The following VPS53 variants were observed in gnomAD, a reference collection of about 807,000 sequenced individuals.
The protein encoded by VPS53 is VPS53 subunit of GARP complex.
In VPS53, 70 loss-of-function variants were observed where a neutral mutation model predicts 107.0. That is an observed-to-expected ratio of 0.65 (90% CI 0.54 to 0.80). The LOEUF is 0.80. VPS53 is among the 30% of genes least tolerant of loss of function. The probability of loss-of-function intolerance (pLI) is 0.00; values close to 1 mark genes in which losing one functional copy is unlikely to be tolerated. For synonymous variants in VPS53, 409 were observed against 393.3 expected (o/e 1.04, Z -0.47); for missense variants, 917 against 1,049.4 (o/e 0.87, Z 1.74).
intron 4 of VPS53, among the ~76,000 whole-genome samples, chr17:662,769 G>C (rs1971500425): frequency 7.7e-6 from 1 of 129,232 alleles, no homozygotes; most frequent in African/African-American, 2.9e-5. Flanking sequence ...AAGAAAGAAA[G>C]AAAGAGAAAG....
intron 13 of VPS53, among the ~76,000 whole-genome samples, chr17:565,874 A>G (rs567740025): frequency 1.4e-3 from 218 of 152,268 alleles, no homozygotes; most frequent in Admixed American, 2.2e-3. Flanking sequence ...CACTTTATTT[A>G]ACACTTTATT....
At chr17:533,757 G>A (rs1431765818) in intron 18 of VPS53, among the ~76,000 whole-genome samples, 2 of 152,156 alleles carry the variant, frequency 1.3e-5, no homozygotes, top group South Asian at 2.1e-4. Context: ...CGAAGATGGG[G>A]GCCATGTTTA....
intron 1 of VPS53, 35 bp from the exon 2 acceptor site, chr17:710,648 G>A: frequency 7.0e-7 from 1 of 1,424,826 alleles, no homozygotes; most frequent in Admixed American, 1.8e-5. Context: ...ATAAAAACAT[G>A]TAGTATACCG....
intron 17 of VPS53, among the ~76,000 whole-genome samples, chr17:548,760 C>A (rs1911532399): frequency 1.3e-5 from 2 of 152,230 alleles, no homozygotes; most frequent in Non-Finnish European, 2.9e-5. Flanking sequence ...GCCTGAGGAG[C>A]CCCTGGGATG....
rs181656181 is a variant in VPS53, at chr17:564,448, G to A, written c.1314-1703C>T. On this transcript the variant is annotated intron_variant, in intron 13 of 21. Coordinates refer to ENST00000437048, the MANE Select transcript of VPS53 (RefSeq NM_001128159.3). Reference sequence around the variant, plus strand: ...CCAGCTACTTCAGAGGCTGAGGCAGGAGAATGGCATGAACCCGGGAGGCGG... The same window carrying A: ...CCAGCTACTTCAGAGGCTGAGGCAGAAGAATGGCATGAACCCGGGAGGCGG... Among the ~76,000 whole-genome samples, 660 of 151,724 alleles carry A rather than the reference G, an allele frequency of 4.3e-3. 3 individuals are homozygous for A. The highest frequency in any genetic ancestry group is 0.015 in the African/African-American group (623 of 41,280).
At position 564,107 on chromosome 17, in the gene VPS53, G is replaced by A. The variant is rs530615734; in HGVS notation, c.1314-1362C>T. Among the ~76,000 whole-genome samples the A allele has an allele frequency of 1.8e-3, 265 of 148,856 alleles. 1 individual carries two copies. The highest frequency in any genetic ancestry group is 6.2e-3 in the African/African-American group (249 of 40,382). On this transcript the variant is annotated intron_variant, in intron 13 of 21. Coordinates refer to ENST00000437048, the MANE Select transcript of VPS53 (RefSeq NM_001128159.3). ...TCTACTAAAAATACAAAAATTAGCC[G>A]GGTGTGGGCCGGGTGCGGTGGCTCA...
chr17:673,207 T>TACC (rs749614405), intron 4 of VPS53, among the ~76,000 whole-genome samples: 1 of 151,208 alleles, frequency 6.6e-6, no homozygotes, highest in Non-Finnish European at 1.5e-5. Flanking sequence ...GGATGAGTGC[T>TACC]ACCACATCTG....
At chr17:659,279 A>G (rs1411703490) in intron 5 of VPS53, among the ~76,000 whole-genome samples, 1 of 151,664 alleles carries the variant, frequency 6.6e-6, no homozygotes, top group African/African-American at 2.4e-5. Flanking sequence ...GTCTTTATTT[A>G]TTTATTTATT....
intron 8 of VPS53, 113 bp downstream of exon 8, chr17:631,437 T>A: frequency 2.2e-5 from 25 of 1,123,856 alleles, no homozygotes; most frequent in South Asian, 5.2e-5. Context: ...GCAGAAGGAT[T>A]TGCAGCTGCC....
In VPS53 at chr17:513,251, A is replaced by G. The variant is rs1000497989; in HGVS notation, c.*5877T>C. 36 of 152,242 alleles carry G rather than the reference A, an allele frequency of 2.4e-4. No homozygotes were observed. The highest frequency in any genetic ancestry group is 8.4e-4 in the African/African-American group (35 of 41,466). 9.4% of individuals were successfully genotyped at this position (152,242 alleles called of 1,614,324 possible). On this transcript the variant is annotated 3_prime_UTR_variant, in exon 22 of 22. Coordinates refer to ENST00000437048, the MANE Select transcript of VPS53 (RefSeq NM_001128159.3). ...ATCCAGTAATGCTTTAATTAACTGC[A>G]GTATTTTGTGCTCCAACATGCAGGC...
Position 685,470 on chromosome 17 carries a change from CAT to C in VPS53, c.285+11946_285+11947del, listed in dbSNP as rs1972552249. ...TTTCTGTACAGTATTCAACAGATCA[CAT>C]GAGCTATTCAACACTTTAGTATAAA... On this transcript the variant is annotated intron_variant, in intron 4 of 21. Coordinates refer to ENST00000437048, the MANE Select transcript of VPS53 (RefSeq NM_001128159.3). Among the ~76,000 whole-genome samples the C allele has an allele frequency of 2.6e-5, 4 of 152,272 alleles. No homozygotes were observed. The South Asian group carries it at 8.3e-4, about 32-fold the overall frequency.
chr17:558,992 T>C (rs1279001039), intron 15 of VPS53, among the ~76,000 whole-genome samples: 1 of 151,980 alleles, frequency 6.6e-6, no homozygotes, highest in Non-Finnish European at 1.5e-5. Context: ...CAAGACTCTG[T>C]CTCAAAATAA....
chr17:640,863 T>C (rs1303822174), intron 7 of VPS53, among the ~76,000 whole-genome samples: 1 of 151,758 alleles, frequency 6.6e-6, no homozygotes, highest in East Asian at 1.9e-4. Flanking sequence ...TTTTCTTTGT[T>C]TTTTTTTTGA....
intron 4 of VPS53, among the ~76,000 whole-genome samples, chr17:692,037 G>C (rs1972793166): frequency 6.6e-6 from 1 of 152,136 alleles, no homozygotes; most frequent in Non-Finnish European, 1.5e-5. Flanking sequence ...CCTTACTCTT[G>C]TTCTGATCAA....
intron 13 of VPS53, among the ~76,000 whole-genome samples, chr17:572,588 G>T (rs893183098): frequency 2.6e-5 from 4 of 151,922 alleles, no homozygotes; most frequent in Admixed American, 6.6e-5. Flanking sequence ...GAATAGAAAG[G>T]CGGGAAAGGT....
chr17:712,409 G>A (rs1430951398), intron 1 of VPS53, among the ~76,000 whole-genome samples: 1 of 151,564 alleles, frequency 6.6e-6, no homozygotes, highest in Non-Finnish European at 1.5e-5. Flanking sequence ...TTGAACTCCT[G>A]ACATCGTGAT....
chr17:618,358 G>A (rs1411393355), intron 11 of VPS53, among the ~76,000 whole-genome samples: 10 of 100,006 alleles, frequency 1.0e-4, no homozygotes, highest in South Asian at 4.0e-4. Context: ...GCACCACCAC[G>A]CCCCACTAAT....
chr17:634,482 A>G (rs7214912), intron 7 of VPS53, among the ~76,000 whole-genome samples: 150,141 of 151,526 alleles, frequency 0.99, 74,404 homozygotes, highest in East Asian at 1. Context: ...TGCCATGCTG[A>G]TGTGCTGCAC....
At chr17:612,379 T>C (rs1023220126) in intron 11 of VPS53, among the ~76,000 whole-genome samples, 1 of 104,416 alleles carries the variant, frequency 9.6e-6, no homozygotes, top group Non-Finnish European at 2.3e-5. Flanking sequence ...AGTGAAAACC[T>C]GTACAGATAT....
Sources: gnomAD v4.1 joint callset for allele counts (sites outside exome capture counted in the v4.1 genomes callset) on GRCh38, gnomAD v4.1.1 for gene constraint, MANE v1.5 for transcripts, NCBI Gene and HGNC (gene_info 2026-07-23, HGNC 2026-07-21) for gene names.